COL10A1: variants seen among roughly 807,000 people sequenced by gnomAD.
The protein encoded by COL10A1 is collagen type X alpha 1 chain.
COL10A1 carries 10 observed loss-of-function variants against 18.2 expected under a neutral mutation model. That is an observed-to-expected ratio of 0.55 (90% CI 0.34 to 0.93). The LOEUF (loss-of-function observed/expected upper bound fraction) is 0.93. Ranked by LOEUF, COL10A1 falls within the 40% of genes least tolerant of loss-of-function variation. COL10A1 has a pLI of 0.02. For missense variants in COL10A1, 897 were observed against 853.5 expected (o/e 1.05, Z -0.64); for synonymous variants, 330 against 316.6 (o/e 1.04, Z -0.45).
upstream of COL10A1, among the ~76,000 whole-genome samples, chr6:116,161,506 A>G (rs1018567215): frequency 2.6e-5 from 4 of 151,778 alleles, no homozygotes; most frequent in African/African-American, 9.7e-5. Flanking sequence ...TCCTTTCCCC[A>G]TTGTTTATTT....
At chr6:116,210,456 C>T in the COL10A1 span, among the ~76,000 whole-genome samples, 4 of 151,952 alleles carry the variant, frequency 2.6e-5, no homozygotes, top group South Asian at 2.1e-4. Context: ...GCACAAGCTC[C>T]GAAAGCAGAC....
chr6:116,189,535 A>G, the COL10A1 span, among the ~76,000 whole-genome samples: 1 of 152,038 alleles, frequency 6.6e-6, no homozygotes, highest in African/African-American at 2.4e-5. Flanking sequence ...ATGAACATAT[A>G]AACGAATGAG....
At chr6:116,175,596 T>C in the COL10A1 span, among the ~76,000 whole-genome samples, 5 of 152,218 alleles carry the variant, frequency 3.3e-5, no homozygotes, top group Non-Finnish European at 1.5e-5. Flanking sequence ...GGATGCCCTG[T>C]TCCTTCTCCC....
the COL10A1 span, among the ~76,000 whole-genome samples, chr6:116,187,162 G>A: frequency 4.6e-5 from 7 of 152,030 alleles, no homozygotes; most frequent in African/African-American, 1.7e-4. Context: ...CAGAGCTACT[G>A]GGCTTTGATC....
At chr6:116,124,944 T>G (rs192376665) in intron 2 of COL10A1, among the ~76,000 whole-genome samples, 4 of 152,310 alleles carry the variant, frequency 2.6e-5, no homozygotes, top group African/African-American at 9.6e-5. Flanking sequence ...TGTTTAATAT[T>G]TAGCTAAATA....
upstream of COL10A1, among the ~76,000 whole-genome samples, chr6:116,161,605 G>A (rs568762128): frequency 5.3e-5 from 8 of 152,202 alleles, no homozygotes; most frequent in African/African-American, 1.9e-4. Flanking sequence ...TTTTGTACCA[G>A]TAGCATGCTG....
intron 1 of COL10A1, chr6:116,145,351 T>TAA: frequency 3.7e-6 from 1 of 268,180 alleles, no homozygotes; most frequent in Admixed American, 3.4e-5. Context: ...TATGAAATGC[T>TAA]AAAAAAAAAT....
rs1779042814 is a variant in COL10A1 at position 116,119,550 on chromosome 6, AC to A, written c.*522del. The A allele has an allele frequency of 6.3e-6, 1 of 157,990 alleles. No homozygotes were observed. The highest frequency in any genetic ancestry group is 1.4e-5 in the Non-Finnish European group (1 of 71,732). The allele number at this position is 157,990 out of a possible 1,614,324, so 9.8% of individuals were successfully genotyped here. ...GGCCATACAGGCCTCAGAGTAGTGC[AC>A]CATCAGAAATATTTTAGGGGATACA... On this transcript the variant is annotated 3_prime_UTR_variant, in exon 3 of 3. Coordinates refer to ENST00000651968, the MANE Select transcript of COL10A1 (RefSeq NM_000493.4).
the COL10A1 span, among the ~76,000 whole-genome samples, chr6:116,207,198 T>G: frequency 4.6e-5 from 7 of 151,990 alleles, no homozygotes; most frequent in Non-Finnish European, 7.4e-5. Flanking sequence ...TCTTCCACTT[T>G]ATTCTGAAAG....
At chr6:116,129,945 A>C (rs1364904303), upstream of COL10A1, among the ~76,000 whole-genome samples, 1 of 152,206 alleles carries the variant, frequency 6.6e-6, no homozygotes, top group Non-Finnish European at 1.5e-5. Context: ...TACAGCACAC[A>C]CAAATACATT....
chr6:116,148,423 A>G (rs773966486), intron 1 of COL10A1, among the ~76,000 whole-genome samples: 7 of 152,200 alleles, frequency 4.6e-5, no homozygotes, highest in Non-Finnish European at 8.8e-5. Flanking sequence ...TTTTTGGAAC[A>G]TTTGAATACA....
chr6:116,151,951 A>G (rs1272306012), intron 1 of COL10A1, among the ~76,000 whole-genome samples: 1 of 152,194 alleles, frequency 6.6e-6, no homozygotes, highest in Non-Finnish European at 1.5e-5. Context: ...TTTGGGGAGT[A>G]TTGATGCCAA....
At chr6:116,194,496 T>C in the COL10A1 span, among the ~76,000 whole-genome samples, 1 of 152,020 alleles carries the variant, frequency 6.6e-6, no homozygotes, top group East Asian at 1.9e-4. Context: ...ACTAATAGCC[T>C]ATTTTATGTT....
chr6:116,144,529 A>G (rs997618344), intron 1 of COL10A1, among the ~76,000 whole-genome samples: 13 of 152,096 alleles, frequency 8.5e-5, no homozygotes, highest in African/African-American at 1.2e-4. Context: ...AAAGGAGAAC[A>G]CCAACTTTCA....
chr6:116,196,787 A>G, the COL10A1 span, among the ~76,000 whole-genome samples: 3 of 151,638 alleles, frequency 2.0e-5, no homozygotes, highest in African/African-American at 4.8e-5. Context: ...TTCCTCTTCT[A>G]CTTGTGCAGC....
At chr6:116,149,619 A>G (rs1779984868) in intron 1 of COL10A1, among the ~76,000 whole-genome samples, 1 of 152,184 alleles carries the variant, frequency 6.6e-6, no homozygotes, top group Non-Finnish European at 1.5e-5. Context: ...TTTATTGGAG[A>G]AATTGTTTTT....
At position 116,120,066 on chromosome 6, in the gene COL10A1, T is replaced by TGGG. The variant is rs140722; in HGVS notation, c.*6_*7insCCC. On this transcript the variant is annotated 3_prime_UTR_variant, in exon 3 of 3. Transcript: ENST00000651968. ...TAGCACAAGATTTAGATTAGCTCTGTGTGTACTCACATTGGAGCCACTAGG... is the reference window on the plus strand; with the variant it reads ...TAGCACAAGATTTAGATTAGCTCTGTGGGGTGTACTCACATTGGAGCCACTAGG... The TGGG allele has an allele frequency of 0.88, 1,418,423 of 1,608,076 alleles. 627,330 individuals are homozygous for TGGG. The highest frequency in any genetic ancestry group is 1 in the East Asian group (44,813 of 44,826).
At chr6:116,140,393 C>T (rs9488848) in intron 1 of COL10A1, among the ~76,000 whole-genome samples, 5,304 of 152,076 alleles carry the variant, frequency 0.035, 311 homozygotes, top group African/African-American at 0.12. Context: ...TTCCTGGTTT[C>T]CACAATTTTC....
At chr6:116,198,146 G>A in the COL10A1 span, among the ~76,000 whole-genome samples, 2 of 152,070 alleles carry the variant, frequency 1.3e-5, no homozygotes, top group Non-Finnish European at 2.9e-5. Flanking sequence ...TCAACAAATA[G>A]GGATTCAGTC....
Sources: gnomAD v4.1 joint callset for allele counts (sites outside exome capture counted in the v4.1 genomes callset) on GRCh38, gnomAD v4.1.1 for gene constraint, MANE v1.5 for transcripts, NCBI Gene and HGNC (gene_info 2026-07-23, HGNC 2026-07-21) for gene names.